LCORL: variants seen among roughly 807,000 people sequenced by gnomAD.
LCORL encodes ligand dependent nuclear receptor corepressor like, also known as ligand-dependent nuclear receptor corepressor-like protein.
In LCORL, 41 loss-of-function variants were observed where a neutral mutation model predicts 141.8. The observed-to-expected ratio is 0.29, with a 90% CI of 0.23 to 0.38. LCORL has a LOEUF of 0.38. Ranked by LOEUF, LCORL falls within the 10% of genes least tolerant of loss-of-function variation. The pLI is 1.00. For synonymous variants in LCORL, 618 were observed against 694.1 expected (o/e 0.89, Z 1.72); for missense variants, 1,759 against 2,035.0 (o/e 0.86, Z 2.61).
intron 7 of LCORL, among the ~76,000 whole-genome samples, chr4:17,864,154 C>T (rs1448912237): frequency 6.6e-6 from 1 of 152,108 alleles, no homozygotes; most frequent in Non-Finnish European, 1.5e-5. Flanking sequence ...TTTTTGGCTA[C>T]CCATGAAGTA....
chr4:17,932,957 G>C (rs955928613), intron 4 of LCORL, among the ~76,000 whole-genome samples: 2 of 152,152 alleles, frequency 1.3e-5, no homozygotes, highest in African/African-American at 4.8e-5. Flanking sequence ...GAACTTGACT[G>C]AACACAAAAG....
chr4:17,876,415 C>T, exon 7 of LCORL: 19 of 1,230,782 alleles, frequency 1.5e-5, no homozygotes, highest in Non-Finnish European at 1.9e-5. Flanking sequence ...GCTTTATATC[C>T]TTCTGATAAT....
In LCORL at chr4:18,021,085, G is replaced by A. The variant is rs1725480307; in HGVS notation, c.154+513C>T. On this transcript the variant is annotated intron_variant, in intron 1 of 7. Coordinates refer to ENST00000635767, the Ensembl canonical transcript of LCORL. The surrounding 1 kb of genome is among the most constrained non-coding windows in gnomAD (Gnocchi z 5.5). The stretch of plus-strand genomic sequence containing the variant: ...CCCTGCGAGTGCCCGTGGGTCTCCA[G>A]GTCCAGGTCCCCGGGAACTGGCCGC... 6.6e-6 allele frequency among the ~76,000 whole-genome samples: 1 copy of A among 152,024 alleles called. No homozygotes were observed. Among genetic ancestry groups the A allele is most frequent in the East Asian group, 1.9e-4 (1 of 5,172 alleles).
chr4:17,989,147 T>C (rs1162337575), intron 1 of LCORL, among the ~76,000 whole-genome samples: 3 of 152,216 alleles, frequency 2.0e-5, no homozygotes, highest in Admixed American at 2.0e-4. Context: ...AAAACGACAA[T>C]TGTAATTCCT....
chr4:18,003,476 C>A (rs952696479), intron 1 of LCORL, among the ~76,000 whole-genome samples: 1 of 152,146 alleles, frequency 6.6e-6, no homozygotes, highest in Non-Finnish European at 1.5e-5. Flanking sequence ...GAGAAATAGA[C>A]TTTGTATTTG....
At chr4:17,997,648 C>CTACCTTAAACTCA (rs1721119793) in intron 1 of LCORL, among the ~76,000 whole-genome samples, 1 of 152,044 alleles carries the variant, frequency 6.6e-6, no homozygotes, top group South Asian at 2.1e-4. Context: ...CAATAAACAC[C>CTACCTTAAACTCA]TACCTTAAAC....
intron 5 of LCORL, among the ~76,000 whole-genome samples, chr4:17,905,116 A>G (rs1731412088): frequency 6.6e-6 from 1 of 152,052 alleles, no homozygotes; most frequent in South Asian, 2.1e-4. Flanking sequence ...AACTTTTTTA[A>G]AACTAGATTT....
chr4:17,995,027 C>G (rs1331118671), intron 1 of LCORL, among the ~76,000 whole-genome samples: 1 of 152,070 alleles, frequency 6.6e-6, no homozygotes, highest in African/African-American at 2.4e-5. Context: ...TAAAAACTGC[C>G]TATTATTAAT....
At position 17,973,612 on chromosome 4, in the gene LCORL, T is replaced by C. The variant is rs886796245; in HGVS notation, c.155-727A>G. ...AAATATGATCCTGATGGCAAAATAA[T>C]TGAGAAGCTAAGAAAAGGAAATAAT... On this transcript the variant is annotated intron_variant, in intron 1 of 7. Transcript: ENST00000635767. 2.6e-5 allele frequency among the ~76,000 whole-genome samples: 4 copies of C among 151,756 alleles called. No homozygotes were observed. The South Asian group carries it at 8.3e-4, about 31-fold the overall frequency.
At chr4:17,899,785 T>C (rs539199356) in intron 5 of LCORL, among the ~76,000 whole-genome samples, 1 of 152,178 alleles carries the variant, frequency 6.6e-6, no homozygotes, top group African/African-American at 2.4e-5. Flanking sequence ...GGGTTGGTGA[T>C]CAACTTTATA....
exon 7 of LCORL, chr4:17,878,162 T>C: frequency 8.1e-7 from 1 of 1,230,118 alleles, no homozygotes; most frequent in South Asian, 4.1e-5. Flanking sequence ...TTAATGCTGA[T>C]TTTCTTTTTT....
intron 4 of LCORL, among the ~76,000 whole-genome samples, chr4:17,953,877 G>A (rs1290755451): frequency 1.3e-5 from 2 of 151,916 alleles, no homozygotes; most frequent in Non-Finnish European, 2.9e-5. Flanking sequence ...TAAAAATAAT[G>A]TGAGGGCCAG....
At chr4:17,894,522 AT>A (rs1729592908) in intron 5 of LCORL, among the ~76,000 whole-genome samples, 1 of 152,244 alleles carries the variant, frequency 6.6e-6, no homozygotes. Flanking sequence ...GTTAATGTTC[AT>A]AAAAACACTT....
rs187084762 is a variant in LCORL, at chr4:17,852,122, A to G, written c.5603-6221T>C. 5.2e-3 allele frequency among the ~76,000 whole-genome samples: 790 copies of G among 152,266 alleles called. 6 individuals are homozygous for G. Among genetic ancestry groups the G allele is most frequent in the Non-Finnish European group, 9.2e-3 (624 of 68,002 alleles). On this transcript the variant is annotated intron_variant, in intron 7 of 7. Transcript: ENST00000635767. ...AGGAATACATTCTAAATGCTATGTC[A>G]TCAGATTTATCACTCTTATGTCATG... is the stretch of plus-strand genomic sequence containing the variant.
intron 2 of LCORL, among the ~76,000 whole-genome samples, chr4:17,969,559 G>A (rs975035034): frequency 1.3e-5 from 2 of 151,968 alleles, no homozygotes; most frequent in Non-Finnish European, 2.9e-5. Context: ...CAAACTAAAA[G>A]TATAATTAAC....
chr4:17,883,597 CAG>C (rs1277947094), intron 6 of LCORL: 6 of 1,366,052 alleles, frequency 4.4e-6, no homozygotes, highest in Middle Eastern at 2.7e-4. Flanking sequence ...TGTCTCCTGT[CAG>C]AGTGAGCATT....
At chr4:17,929,296 G>T (rs1353730597) in intron 4 of LCORL, among the ~76,000 whole-genome samples, 1 of 152,068 alleles carries the variant, frequency 6.6e-6, no homozygotes, top group Non-Finnish European at 1.5e-5. Flanking sequence ...AAATTCACAT[G>T]AAAATGCAAG....
Position 17,976,067 on chromosome 4 carries a change from A to G in LCORL, c.155-3182T>C, listed in dbSNP as rs577047912. On this transcript the variant is annotated intron_variant, in intron 1 of 7. Transcript: ENST00000635767. ...TCCTTGTTCTATTGTGTCTACTGTTATATCAGCTACACCAACTTTCTTATG... is the reference window on the plus strand; with the variant it reads ...TCCTTGTTCTATTGTGTCTACTGTTGTATCAGCTACACCAACTTTCTTATG... Among the ~76,000 whole-genome samples, 5 of 152,224 alleles carry G rather than the reference A, an allele frequency of 3.3e-5. No homozygotes were observed. The South Asian group carries it at 1.0e-3, about 32-fold the overall frequency.
chr4:17,912,306 C>A, intron 4 of LCORL: 1 of 676,518 alleles, frequency 1.5e-6, no homozygotes. Context: ...AGACACAGAT[C>A]GAGGCTCTCA....
Sources: gnomAD v4.1 joint callset for allele counts (sites outside exome capture counted in the v4.1 genomes callset) on GRCh38, gnomAD v4.1.1 for gene constraint, Gnocchi (gnomAD v3.1) non-coding constraint, MANE v1.5 for transcripts, NCBI Gene and HGNC (gene_info 2026-07-23, HGNC 2026-07-21) for gene names.